Variants in HDAC9 observed in about 807,000 individuals in gnomAD.
The protein encoded by HDAC9 is histone deacetylase 9.
Under a neutral mutation model 139.4 loss-of-function variants are expected in HDAC9, and 41 were observed. The observed-to-expected ratio is 0.29, with a 90% CI of 0.23 to 0.38. The LOEUF is 0.38. Ranked by LOEUF, HDAC9 falls within the 10% of genes least tolerant of loss-of-function variation. HDAC9 has a pLI of 1.00. For missense variants in HDAC9, 1,147 were observed against 1,297.0 expected (o/e 0.88, Z 1.78); for synonymous variants, 517 against 476.2 (o/e 1.09, Z -1.12).
intron 6 of HDAC9, among the ~76,000 whole-genome samples, chr7:18,619,827 C>T (rs532348960): frequency 1.3e-5 from 2 of 152,254 alleles, no homozygotes; most frequent in South Asian, 4.2e-4. Flanking sequence ...GGGCTCTGTG[C>T]CCTTGGACGT....
At chr7:18,869,696 A>G (rs1798770933) in intron 21 of HDAC9, among the ~76,000 whole-genome samples, 1 of 152,088 alleles carries the variant, frequency 6.6e-6, no homozygotes, top group Non-Finnish European at 1.5e-5. Context: ...GCGTGTGGAG[A>G]AAAGCACCCA....
intron 22 of HDAC9, among the ~76,000 whole-genome samples, chr7:18,929,801 G>A (rs943367483): frequency 3.3e-5 from 5 of 151,974 alleles, no homozygotes; most frequent in Non-Finnish European, 7.4e-5. Flanking sequence ...TTAGCTGGGT[G>A]TGGTGGTGCA....
intron 22 of HDAC9, among the ~76,000 whole-genome samples, chr7:18,903,309 A>T (rs1300680059): frequency 1.3e-5 from 2 of 152,256 alleles, no homozygotes; most frequent in African/African-American, 4.8e-5. Context: ...CATAGATGAC[A>T]ACTGCATTTT....
At chr7:18,623,351 G>C (rs1840745163) in intron 6 of HDAC9, among the ~76,000 whole-genome samples, 1 of 152,092 alleles carries the variant, frequency 6.6e-6, no homozygotes, top group African/African-American at 2.4e-5. Context: ...AAGGGCTATT[G>C]TTATGGTTAT....
intron 1 of HDAC9, among the ~76,000 whole-genome samples, chr7:18,301,895 T>C (rs1257400246): frequency 3.3e-5 from 5 of 152,198 alleles, no homozygotes; most frequent in Non-Finnish European, 5.9e-5. Flanking sequence ...TAAATCACCA[T>C]AGAATTCAAG....
chr7:18,907,010 A>T (rs532655237), intron 22 of HDAC9: 1 of 152,330 alleles, frequency 6.6e-6, no homozygotes, highest in South Asian at 2.1e-4. Flanking sequence ...TGGAAGGAAG[A>T]TCTCTCTTTT....
chr7:18,578,246 C>A, intron 2 of HDAC9: 4 of 518,958 alleles, frequency 7.7e-6, no homozygotes, highest in Non-Finnish European at 1.5e-5. Flanking sequence ...AGCCCTAATT[C>A]ATTCTTCTCT....
In HDAC9 at chr7:18,356,198, A is replaced by G. The variant is rs578050662; in HGVS notation, c.-42+65683A>G. On this transcript the variant is annotated intron_variant, in intron 1 of 3. Coordinates refer to the HDAC9 transcript ENST00000413509. ...GCATCAAATTCAGAATTTCCCGTAC[A>G]TGATATTAATTTACTTCTCTAATTT... 3.6e-4 allele frequency among the ~76,000 whole-genome samples: 55 copies of G among 152,198 alleles called. 1 individual carries two copies. In the South Asian group the frequency reaches 0.011, roughly 30 times the overall value.
At chr7:18,663,429 AGCTAGGTTCCAAGTC>A (rs1486462746) in intron 11 of HDAC9, among the ~76,000 whole-genome samples, 6 of 151,990 alleles carry the variant, frequency 3.9e-5, no homozygotes, top group Admixed American at 3.9e-4. Context: ...TCCAGAAGCT[AGCTAGGTTCCAAGTC>A]GCGCCCTCCC....
intron 14 of HDAC9, among the ~76,000 whole-genome samples, chr7:18,758,006 C>T (rs1178175): frequency 0.15 from 22,671 of 152,126 alleles, 2,107 homozygotes; most frequent in East Asian, 0.4. Context: ...AGAGTAAGTG[C>T]TCAGTGAGCA....
intron 21 of HDAC9, among the ~76,000 whole-genome samples, chr7:18,863,745 A>G (rs1798281214): frequency 6.6e-6 from 1 of 152,160 alleles, no homozygotes; most frequent in Admixed American, 6.5e-5. Context: ...AGAAGAGAAG[A>G]GTTAGGAATG....
At chr7:18,767,693 A>C (rs1789946419) in intron 16 of HDAC9, among the ~76,000 whole-genome samples, 1 of 152,168 alleles carries the variant, frequency 6.6e-6, no homozygotes. Context: ...ACCACATTTC[A>C]AGGACAAATT....
intron 1 of HDAC9, among the ~76,000 whole-genome samples, chr7:18,434,527 G>A (rs554830708): frequency 3.1e-4 from 47 of 152,172 alleles, no homozygotes; most frequent in Admixed American, 7.2e-4. Context: ...GAATCTATAA[G>A]GAATTTAATC....
rs199592148 is a variant in HDAC9, at chr7:18,815,628, G to A, written c.2323-13533G>A. On this transcript the variant is annotated intron_variant, in intron 17 of 25. Transcript: ENST00000686413. ...CTGAAGGCTGTAGGCATGATGGGCC[G>A]CAGATGCCAGGCTTCTTAAGAACTG... Among the ~76,000 whole-genome samples, 12 of 152,322 alleles carry A rather than the reference G, an allele frequency of 7.9e-5. No individual in the cohort carries two copies. In the East Asian group the frequency reaches 2.3e-3, roughly 29 times the overall value.
chr7:18,356,600 C>T (rs1180720617), intron 1 of HDAC9, among the ~76,000 whole-genome samples: 1 of 151,988 alleles, frequency 6.6e-6, no homozygotes, highest in African/African-American at 2.4e-5. Flanking sequence ...TACAGGGGAA[C>T]ATAGGAGTAA....
chr7:18,648,370 C>A, intron 10 of HDAC9, 96 bp from the exon 11 acceptor site: 1 of 1,047,914 alleles, frequency 9.5e-7, no homozygotes, highest in South Asian at 1.4e-5. Flanking sequence ...TATCTGTTTT[C>A]TTTGGCTTCT....
At chr7:18,803,585 C>G (rs1294998827) in intron 17 of HDAC9, among the ~76,000 whole-genome samples, 2 of 152,266 alleles carry the variant, frequency 1.3e-5, no homozygotes, top group Non-Finnish European at 1.5e-5. Context: ...TTTCTCTCAG[C>G]ACTTTAAATA....
chr7:18,285,886 T>G (rs1158402156), upstream of HDAC9, among the ~76,000 whole-genome samples: 1 of 152,120 alleles, frequency 6.6e-6, no homozygotes, highest in East Asian at 1.9e-4. Context: ...AAAGGCATTT[T>G]AAAGAGACTA....
At chr7:18,276,698 A>G (rs1415874745) in intron 2 of HDAC9, among the ~76,000 whole-genome samples, 2 of 152,178 alleles carry the variant, frequency 1.3e-5, no homozygotes, top group Non-Finnish European at 1.5e-5. Flanking sequence ...GTGGTGTTAC[A>G]TTTTATAATG....
Sources: allele counts gnomAD v4.1 joint callset (sites outside exome capture counted in the v4.1 genomes callset), GRCh38; gene constraint gnomAD v4.1.1; transcripts MANE v1.5; gene names NCBI Gene and HGNC (gene_info 2026-07-23, HGNC 2026-07-21).